ART3: variants seen among roughly 807,000 people sequenced by gnomAD.
ART3 encodes the protein ecto-ADP-ribosyltransferase 3.
ART3 carries 49 observed loss-of-function variants against 48.5 expected under a neutral mutation model. That is an observed-to-expected ratio of 1.01 (90% CI 0.80 to 1.28). The LOEUF (loss-of-function observed/expected upper bound fraction) is 1.28, where lower values mean the gene tolerates loss of function less well. Ranked by LOEUF, ART3 falls within the 50% of genes most tolerant of loss-of-function variation. The pLI is 0.00. For missense variants in ART3, 438 were observed against 454.3 expected, an observed-to-expected ratio of 0.96 and a Z score of 0.33; for synonymous variants, 145 against 157.2, an observed-to-expected ratio of 0.92 and a Z score of 0.58.
At chr4:76,019,833 T>C (rs1025436482) in intron 1 of ART3, among the ~76,000 whole-genome samples, 3 of 152,038 alleles carry the variant, frequency 2.0e-5, no homozygotes, top group Admixed American at 6.5e-5. Flanking sequence ...ACATGGGGTA[T>C]GCCAGTGTTT....
chr4:76,109,435 C>T (rs1729064440), intron 11 of ART3, among the ~76,000 whole-genome samples: 2 of 152,062 alleles, frequency 1.3e-5, no homozygotes, highest in South Asian at 4.1e-4. Flanking sequence ...TCTGGAGTAG[C>T]TCCTGAAGGA....
At chr4:76,018,018 C>T (rs1374132093) in intron 1 of ART3, among the ~76,000 whole-genome samples, 2 of 152,234 alleles carry the variant, frequency 1.3e-5, no homozygotes, top group African/African-American at 4.8e-5. Flanking sequence ...TTGGTTCAGC[C>T]ACTGTGAGAA....
chr4:76,037,631 C>A (rs1734558510), intron 1 of ART3, among the ~76,000 whole-genome samples: 3 of 151,656 alleles, frequency 2.0e-5, no homozygotes, highest in African/African-American at 7.3e-5. Flanking sequence ...CGGTGCTTGG[C>A]CTTCCTTAAG....
At chr4:76,084,794 G>A (rs570247958) in intron 3 of ART3, among the ~76,000 whole-genome samples, 75 of 152,264 alleles carry the variant, frequency 4.9e-4, no homozygotes, top group Non-Finnish European at 9.4e-4. Context: ...CATCTGAGCT[G>A]GGAGGATTGT....
chr4:76,015,695 T>C (rs1225356902), intron 1 of ART3, among the ~76,000 whole-genome samples: 1 of 152,200 alleles, frequency 6.6e-6, no homozygotes, highest in African/African-American at 2.4e-5. Context: ...TGCAGTGGCA[T>C]GATTATGGTT....
chr4:76,046,459 G>A (rs1735509856), intron 1 of ART3, among the ~76,000 whole-genome samples: 1 of 152,058 alleles, frequency 6.6e-6, no homozygotes, highest in Non-Finnish European at 1.5e-5. Flanking sequence ...AGGGACTGCT[G>A]CATTTCCTCA....
At chr4:76,027,237 G>A (rs1311283242) in intron 1 of ART3, among the ~76,000 whole-genome samples, 1 of 152,102 alleles carries the variant, frequency 6.6e-6, no homozygotes, top group Non-Finnish European at 1.5e-5. Flanking sequence ...TGGGCAACAA[G>A]AGCGAAACTC....
intron 1 of ART3, chr4:76,023,334 T>C (rs549320464): frequency 1.3e-6 from 2 of 1,504,490 alleles, no homozygotes; most frequent in South Asian, 1.1e-5. Flanking sequence ...TTCCTATTTC[T>C]CATTTTACAA....
chr4:76,097,540 A>C, intron 3 of ART3, 104 bp from the exon 4 acceptor site: 1 of 974,876 alleles, frequency 1.0e-6, no homozygotes, highest in South Asian at 1.6e-5. Flanking sequence ...TGAGTCTGAT[A>C]AACCAGGAGC....
intron 3 of ART3, among the ~76,000 whole-genome samples, chr4:76,083,370 A>C (rs1722898370): frequency 1.3e-5 from 2 of 152,186 alleles, no homozygotes; most frequent in South Asian, 4.1e-4. Context: ...ATCTTTAGAC[A>C]TCATGTATTG....
At chr4:76,072,174 A>G (rs367722035), upstream of ART3, among the ~76,000 whole-genome samples, 20 of 152,332 alleles carry the variant, frequency 1.3e-4, no homozygotes, top group Non-Finnish European at 2.8e-4. Flanking sequence ...CTGGCTTCCA[A>G]ATCTCTGAGA....
rs1729688440 is a variant in ART3 at position 76,112,531 on chromosome 4, GTTTA to G, written c.*14_*17del. On this transcript the variant is annotated 3_prime_UTR_variant, in exon 12 of 12. Coordinates refer to ENST00000355810, the MANE Select transcript of ART3 (RefSeq NM_001130016.3). The stretch of plus-strand genomic sequence containing the variant: ...TTGTTGCTCTGTAGTTTGATGCATT[GTTTA>G]TCTTTCTTATTCTTTACTTGAAATA... 6.2e-7 allele frequency: 1 copy of G among 1,605,570 alleles called. No individual in the cohort carries two copies. The highest frequency in any genetic ancestry group is 1.3e-5 in the African/African-American group (1 of 74,522).
intron 3 of ART3, among the ~76,000 whole-genome samples, chr4:76,089,074 C>A (rs1724248162): frequency 6.6e-6 from 1 of 152,060 alleles, no homozygotes; most frequent in East Asian, 1.9e-4. Context: ...GAAAAAATAG[C>A]ACATACTTTT....
intron 2 of ART3, among the ~76,000 whole-genome samples, chr4:76,079,156 C>G (rs949131034): frequency 7.8e-6 from 1 of 128,280 alleles, no homozygotes; most frequent in Non-Finnish European, 1.6e-5. Flanking sequence ...GTCTCAATCT[C>G]TTAGTTTCCT....
At chr4:76,012,253 T>G (rs1731871030) in intron 1 of ART3, 1 of 152,186 alleles carries the variant, frequency 6.6e-6, no homozygotes, top group South Asian at 2.1e-4. Context: ...GGTAAGAGCC[T>G]TCCCTTTTTA....
intron 11 of ART3, 41 bp from the exon 12 acceptor site, chr4:76,112,345 T>TA (rs772222494): frequency 2.5e-6 from 4 of 1,574,508 alleles, no homozygotes; most frequent in South Asian, 1.2e-5. Flanking sequence ...ATACTTGACA[T>TA]AAAAAATGAT....
At chr4:76,043,727 G>GTC (rs1735218082) in intron 1 of ART3, among the ~76,000 whole-genome samples, 1 of 150,464 alleles carries the variant, frequency 6.6e-6, no homozygotes, top group Non-Finnish European at 1.5e-5. Flanking sequence ...CCCAGAAAGG[G>GTC]GCTCCCACAG....
chr4:76,071,938 A>T (rs574261585), upstream of ART3, among the ~76,000 whole-genome samples: 2 of 152,058 alleles, frequency 1.3e-5, no homozygotes, highest in South Asian at 4.1e-4. Context: ...TGTTTTTGAG[A>T]CAGGGTCTTA....
chr4:76,039,944 C>A (rs2149421462), intron 1 of ART3, among the ~76,000 whole-genome samples: 1 of 152,292 alleles, frequency 6.6e-6, no homozygotes, highest in Non-Finnish European at 1.5e-5. Context: ...TGGAATGTAT[C>A]CCCCAAGGAT....
Sources: gnomAD v4.1 joint callset for allele counts (sites outside exome capture counted in the v4.1 genomes callset) on GRCh38, gnomAD v4.1.1 for gene constraint, MANE v1.5 for transcripts, NCBI Gene and HGNC (gene_info 2026-07-23, HGNC 2026-07-21) for gene names.